The following FTO variants were observed in gnomAD, a reference collection of about 807,000 sequenced individuals.
FTO encodes the protein alpha-ketoglutarate-dependent dioxygenase FTO.
A neutral mutation model predicts 63.9 loss-of-function variants in FTO; 47 were observed. The ratio of observed to expected loss-of-function variants is 0.74; its 90% CI spans 0.58 to 0.94. The LOEUF (loss-of-function observed/expected upper bound fraction) is 0.94. FTO is among the 40% of genes least tolerant of loss of function. The probability of loss-of-function intolerance (pLI) is 0.00; values close to 1 mark genes in which losing one functional copy is unlikely to be tolerated. For synonymous variants in FTO, 207 were observed against 224.4 expected, an observed-to-expected ratio of 0.92 and a Z score of 0.69; for missense variants, 562 against 618.1, an observed-to-expected ratio of 0.91 and a Z score of 0.96.
chr16:53,959,150 CG>C (rs1237739612), intron 8 of FTO, among the ~76,000 whole-genome samples: 1 of 152,116 alleles, frequency 6.6e-6, no homozygotes, highest in Non-Finnish European at 1.5e-5. Context: ...GAAAAGGGTA[CG>C]TGGAGCCAAA....
chr16:53,987,132 T>TA lies in FTO; in HGVS notation c.1364+53031dup, dbSNP rs540944742. 2.2e-3 allele frequency among the ~76,000 whole-genome samples: 337 copies of TA among 151,824 alleles called. 1 individual carries two copies. Among genetic ancestry groups the TA allele is most frequent in the African/African-American group, 7.1e-3 (295 of 41,450 alleles). On this transcript the variant is annotated intron_variant, in intron 8 of 8. Coordinates refer to ENST00000471389, the MANE Select transcript of FTO (RefSeq NM_001080432.3). Reference sequence around the variant, plus strand: ...GGAATACGTCTTGCTCTAAAAAAATTAAAAAAAAGGATATACAGAGCACTG... The same window carrying TA: ...GGAATACGTCTTGCTCTAAAAAAATTAAAAAAAAAGGATATACAGAGCACTG...
intron 8 of FTO, among the ~76,000 whole-genome samples, chr16:54,095,821 A>C (rs2086504025): frequency 6.6e-6 from 1 of 152,164 alleles, no homozygotes; most frequent in Non-Finnish European, 1.5e-5. Context: ...GCCATGTGCT[A>C]AGGATGACAG....
chr16:53,979,573 G>A (rs1007792484), intron 8 of FTO: 32 of 392,664 alleles, frequency 8.1e-5, no homozygotes, highest in Non-Finnish European at 6.7e-5. Context: ...GTGTGCGCGC[G>A]TGTGTGAATT....
chr16:54,108,734 C>A (rs1365674072), intron 8 of FTO, among the ~76,000 whole-genome samples: 2 of 152,138 alleles, frequency 1.3e-5, no homozygotes, highest in African/African-American at 4.8e-5. Flanking sequence ...TCACATCAAC[C>A]CCATAAGTAA....
At chr16:53,823,062 T>A (rs2078909377) in intron 2 of FTO, among the ~76,000 whole-genome samples, 1 of 152,212 alleles carries the variant, frequency 6.6e-6, no homozygotes, top group Admixed American at 6.5e-5. Flanking sequence ...GAGACATCTC[T>A]ACATGCCATC....
At chr16:53,842,541 A>G (rs1323436837) in intron 3 of FTO, among the ~76,000 whole-genome samples, 1 of 152,180 alleles carries the variant, frequency 6.6e-6, no homozygotes, top group African/African-American at 2.4e-5. Context: ...ACTAGTCTTG[A>G]GTATCCTTCC....
chr16:53,833,257 C>G (rs1012874560), intron 3 of FTO, among the ~76,000 whole-genome samples: 2 of 152,196 alleles, frequency 1.3e-5, no homozygotes, highest in Non-Finnish European at 2.9e-5. Flanking sequence ...CCAATTAATC[C>G]TCTTTTTGTT....
intron 4 of FTO, among the ~76,000 whole-genome samples, chr16:53,863,416 GGAA>G (rs1323491946): frequency 2.0e-5 from 3 of 152,198 alleles, no homozygotes; most frequent in Admixed American, 6.5e-5. Flanking sequence ...ACTTGAAGGT[GGAA>G]GAAGATGTGT....
At chr16:53,807,440 G>T (rs1421046700) in intron 1 of FTO, among the ~76,000 whole-genome samples, 1 of 152,190 alleles carries the variant, frequency 6.6e-6, no homozygotes, top group Non-Finnish European at 1.5e-5. Context: ...GTTGTTACAA[G>T]AATTTAGCTG....
At chr16:54,019,164 CCTT>C (rs1360349350) in intron 8 of FTO, among the ~76,000 whole-genome samples, 6 of 152,160 alleles carry the variant, frequency 3.9e-5, no homozygotes, top group Admixed American at 1.3e-4. Flanking sequence ...TCTTGTGTCT[CCTT>C]CTTAAGAGTG....
chr16:53,818,818 AT>A (rs2078770842), intron 2 of FTO, among the ~76,000 whole-genome samples: 1 of 152,092 alleles, frequency 6.6e-6, no homozygotes, highest in Middle Eastern at 3.2e-3. Flanking sequence ...TGGTTGTACC[AT>A]TTTCCCTTCT....
At chr16:53,741,526 A>C (rs1019363365) in intron 1 of FTO, among the ~76,000 whole-genome samples, 5 of 152,214 alleles carry the variant, frequency 3.3e-5, no homozygotes, top group Non-Finnish European at 5.9e-5. Context: ...AGTAGTACTT[A>C]CTATATGAAT....
intron 1 of FTO, among the ~76,000 whole-genome samples, chr16:53,798,847 G>A (rs2151707681): frequency 1.3e-5 from 2 of 152,208 alleles, no homozygotes; most frequent in South Asian, 4.2e-4. Flanking sequence ...TCATTTTAGG[G>A]TAAAATCATT....
intron 8 of FTO, among the ~76,000 whole-genome samples, chr16:54,094,466 A>G (rs2144567863): frequency 6.6e-6 from 1 of 152,362 alleles, no homozygotes; most frequent in Admixed American, 6.5e-5. Context: ...CAAACCTTGC[A>G]CTGACTCAGA....
At chr16:53,731,954 A>T (rs189955911) in intron 1 of FTO, among the ~76,000 whole-genome samples, 1 of 148,780 alleles carries the variant, frequency 6.7e-6, no homozygotes, top group Non-Finnish European at 1.5e-5. Flanking sequence ...TCAAACTCCT[A>T]ACCTTAGATA....
intron 7 of FTO, among the ~76,000 whole-genome samples, chr16:53,929,151 A>G (rs11864972): frequency 0.48 from 73,453 of 152,022 alleles, 20,257 homozygotes; most frequent in African/African-American, 0.76. Flanking sequence ...GAGTTTTAAC[A>G]TCTGTATAAA....
intron 3 of FTO, among the ~76,000 whole-genome samples, chr16:53,830,270 G>A (rs1032015371): frequency 8.5e-5 from 13 of 152,160 alleles, no homozygotes; most frequent in African/African-American, 2.7e-4. Context: ...GAATGGCTTC[G>A]GGGAACCATA....
intron 1 of FTO, among the ~76,000 whole-genome samples, chr16:53,739,578 G>A (rs2076484032): frequency 6.6e-6 from 1 of 152,112 alleles, no homozygotes; most frequent in African/African-American, 2.4e-5. Context: ...CCTCATATAT[G>A]TGTGAATGGA....
intron 8 of FTO, among the ~76,000 whole-genome samples, chr16:54,015,818 A>G (rs2084431227): frequency 6.6e-6 from 1 of 152,228 alleles, no homozygotes; most frequent in Non-Finnish European, 1.5e-5. Context: ...ACAGTGACTT[A>G]CAAGTTCGGA....
Sources: allele counts gnomAD v4.1 joint callset (sites outside exome capture counted in the v4.1 genomes callset), GRCh38; gene constraint gnomAD v4.1.1; transcripts MANE v1.5; gene names NCBI Gene and HGNC (gene_info 2026-07-23, HGNC 2026-07-21).